The following XRCC4 variants were observed in gnomAD, a reference collection of about 807,000 sequenced individuals.
The protein encoded by XRCC4 is DNA repair protein XRCC4.
XRCC4 carries 28 observed loss-of-function variants against 39.1 expected under a neutral mutation model. The ratio of observed to expected loss-of-function variants is 0.72; its 90% confidence interval spans 0.53 to 0.98. The LOEUF is 0.98. Among genes scored for constraint, XRCC4 ranks in the 50% least tolerant of loss-of-function variants. The pLI is 0.00. For missense variants in XRCC4, 350 were observed against 376.4 expected (o/e 0.93, Z 0.58); for synonymous variants, 123 against 126.4 (o/e 0.97, Z 0.18).
chr5:83,195,338 A>C (rs987508366), intron 3 of XRCC4, among the ~76,000 whole-genome samples: 5 of 152,152 alleles, frequency 3.3e-5, no homozygotes, highest in Non-Finnish European at 7.4e-5. Flanking sequence ...GCTATAACAA[A>C]ATTTTGAGCT....
Position 83,162,153 on chromosome 5 carries a change from C to T in XRCC4, c.316-33617C>T, listed in dbSNP as rs190848661. Among the ~76,000 whole-genome samples, 79 of 151,856 alleles carry T rather than the reference C, an allele frequency of 5.2e-4. 1 individual carries two copies. The highest frequency in any genetic ancestry group is 1.1e-3 in the Non-Finnish European group (72 of 67,932). On this transcript the variant is annotated intron_variant, in intron 3 of 7. Coordinates refer to ENST00000396027, the MANE Select transcript of XRCC4 (RefSeq NM_003401.5). ...CTGCACTCCAGCCTGGGCGACAGAGCGAGACAACGTTTCAAAAATAAATAA... is the reference window on the plus strand; with the variant it reads ...CTGCACTCCAGCCTGGGCGACAGAGTGAGACAACGTTTCAAAAATAAATAA...
intron 3 of XRCC4, among the ~76,000 whole-genome samples, chr5:83,134,837 A>G (rs117358660): frequency 0.016 from 2,408 of 152,208 alleles, 38 homozygotes; most frequent in East Asian, 0.071. Context: ...CAACAAGACC[A>G]TGAACCCTCT....
intron 3 of XRCC4, among the ~76,000 whole-genome samples, chr5:83,144,513 GTT>G (rs1748347103): frequency 1.6e-5 from 2 of 124,638 alleles, no homozygotes; most frequent in African/African-American, 6.4e-5. Context: ...TTTTAAAAAT[GTT>G]TTCTTTTTTG....
intron 3 of XRCC4, among the ~76,000 whole-genome samples, chr5:83,183,718 C>T (rs943283636): frequency 1.3e-5 from 2 of 152,062 alleles, no homozygotes; most frequent in African/African-American, 4.8e-5. Flanking sequence ...TTGCCATTAC[C>T]TGAACTGGAA....
At chr5:83,154,294 T>C (rs1201553456) in intron 3 of XRCC4, among the ~76,000 whole-genome samples, 1 of 152,220 alleles carries the variant, frequency 6.6e-6, no homozygotes, top group African/African-American at 2.4e-5. Flanking sequence ...AAAAAGGTTG[T>C]ATTGCCAGTT....
the XRCC4 span, among the ~76,000 whole-genome samples, chr5:83,374,321 T>G: frequency 2.6e-5 from 4 of 152,196 alleles, no homozygotes; most frequent in Non-Finnish European, 5.9e-5. Context: ...CAAGATCTGA[T>G]GATTTTATAA....
chr5:83,243,318 G>T (rs1453264317), intron 6 of XRCC4, among the ~76,000 whole-genome samples: 1 of 152,174 alleles, frequency 6.6e-6, no homozygotes, highest in Non-Finnish European at 1.5e-5. Context: ...CTTACCAACA[G>T]AAATTTATTT....
chr5:83,115,270 A>G (rs1046140118), intron 3 of XRCC4, among the ~76,000 whole-genome samples: 1 of 152,254 alleles, frequency 6.6e-6, no homozygotes, highest in South Asian at 2.1e-4. Context: ...TCTACTAAGA[A>G]TACAAAATTA....
Position 83,353,319 on chromosome 5 carries a change from A to C in XRCC4, c.*77A>C. The C allele has an allele frequency of 1.7e-6, 2 of 1,172,576 alleles. No homozygotes were observed. Among genetic ancestry groups the C allele is most frequent in the Non-Finnish European group, 2.4e-6 (2 of 828,052 alleles). The allele number at this position is 1,172,576 out of a possible 1,614,324, so 72.6% of individuals were successfully genotyped here. ...CTTTAAAATGAAAAAGGAGAATTTC[A>C]AGTCAGCAGCCGCTATTACCGTATC... On this transcript the variant is annotated 3_prime_UTR_variant, in exon 8 of 8. Coordinates refer to ENST00000396027, the MANE Select transcript of XRCC4 (RefSeq NM_003401.5).
chr5:83,129,954 T>C, intron 3 of XRCC4, among the ~76,000 whole-genome samples: 1 of 152,152 alleles, frequency 6.6e-6, no homozygotes, highest in Middle Eastern at 3.2e-3. Context: ...TTGAATACCC[T>C]TTATTTCCTT....
intron 6 of XRCC4, among the ~76,000 whole-genome samples, chr5:83,233,902 C>CAAAAAA (rs10629125): frequency 7.7e-5 from 6 of 78,000 alleles, no homozygotes; most frequent in African/African-American, 1.3e-4. Flanking sequence ...GACTTCATCT[C>CAAAAAA]AAAAAAAAAA....
chr5:83,214,060 A>T (rs2731849), intron 6 of XRCC4, among the ~76,000 whole-genome samples: 1 of 151,898 alleles, frequency 6.6e-6, no homozygotes, highest in Admixed American at 6.6e-5. Context: ...AACTTCCTTA[A>T]CCTAATAAAG....
At chr5:83,322,456 C>T (rs147498624) in intron 7 of XRCC4, among the ~76,000 whole-genome samples, 1 of 152,224 alleles carries the variant, frequency 6.6e-6, no homozygotes, top group East Asian at 1.9e-4. Flanking sequence ...GATAACTTTC[C>T]CTCACTGGGT....
the XRCC4 span, among the ~76,000 whole-genome samples, chr5:83,369,104 T>C: frequency 2.0e-5 from 3 of 152,138 alleles, no homozygotes; most frequent in Non-Finnish European, 1.5e-5. Context: ...AAAATCCAGT[T>C]CCTCATTTTT....
At chr5:83,283,050 CAA>C (rs199980796) in intron 7 of XRCC4, among the ~76,000 whole-genome samples, 35 of 58,166 alleles carry the variant, frequency 6.0e-4, no homozygotes, top group Non-Finnish European at 6.4e-4. Flanking sequence ...ATAGCCAGAC[CAA>C]AAAAAAAAAA....
chr5:83,258,835 AGT>A, intron 7 of XRCC4, 158 bp downstream of exon 7: 1 of 956,626 alleles, frequency 1.0e-6, no homozygotes, highest in Non-Finnish European at 1.5e-6. Context: ...GTATTGTTTC[AGT>A]ATTTGGTTAA....
At chr5:83,124,554 C>G (rs985536158) in intron 3 of XRCC4, among the ~76,000 whole-genome samples, 8 of 152,086 alleles carry the variant, frequency 5.3e-5, no homozygotes, top group African/African-American at 1.9e-4. Context: ...TAGGTTGTTT[C>G]CACTTTTTTG....
intron 3 of XRCC4, among the ~76,000 whole-genome samples, chr5:83,127,742 T>G (rs1175376576): frequency 1.3e-5 from 2 of 152,134 alleles, no homozygotes; most frequent in African/African-American, 4.8e-5. Flanking sequence ...TTCTTCTGTT[T>G]GAAGGACTTC....
chr5:83,338,132 G>A (rs10514254), intron 7 of XRCC4, among the ~76,000 whole-genome samples: 8,207 of 152,264 alleles, frequency 0.054, 364 homozygotes, highest in East Asian at 0.15. Flanking sequence ...CAGAATGGTA[G>A]TCAAGAAGCT....
Sources: gnomAD v4.1 joint callset for allele counts (sites outside exome capture counted in the v4.1 genomes callset) on GRCh38, gnomAD v4.1.1 for gene constraint, MANE v1.5 for transcripts, NCBI Gene and HGNC (gene_info 2026-07-23, HGNC 2026-07-21) for gene names.